The following DAP variants were observed in gnomAD, a reference collection of about 807,000 sequenced individuals.
DAP encodes death-associated protein 1.
DAP carries 8 observed loss-of-function variants against 13.8 expected under a neutral mutation model. The observed-to-expected ratio is 0.58, with a 90% confidence interval of 0.34 to 1.05. The LOEUF (loss-of-function observed/expected upper bound fraction) is 1.05. Among genes scored for constraint, DAP ranks in the 50% least tolerant of loss-of-function variants. The pLI, the probability that DAP is intolerant of heterozygous loss-of-function variation, is 0.03. For missense variants in DAP, 106 were observed against 133.2 expected (o/e 0.80, Z 1.01); for synonymous variants, 47 against 47.5 (o/e 0.99, Z 0.04).
intron 2 of DAP, among the ~76,000 whole-genome samples, chr5:10,703,549 A>G (rs1341718852): frequency 6.6e-6 from 1 of 152,256 alleles, no homozygotes. Context: ...GCTCTAAAAA[A>G]ACTCTTTACT....
intron 2 of DAP, among the ~76,000 whole-genome samples, chr5:10,692,146 C>T (rs538514505): frequency 2.0e-5 from 3 of 152,290 alleles, no homozygotes; most frequent in South Asian, 4.1e-4. Flanking sequence ...TTTAAAACTT[C>T]CCTAAACTCC....
chr5:10,742,671 TA>T (rs1739790673), intron 2 of DAP, among the ~76,000 whole-genome samples: 1 of 152,230 alleles, frequency 6.6e-6, no homozygotes, highest in Non-Finnish European at 1.5e-5. Flanking sequence ...GTTCTGGCAC[TA>T]CAGTATATTC....
At chr5:10,684,382 AACATGTCACCTCTTG>A (rs1432042809) in intron 2 of DAP, among the ~76,000 whole-genome samples, 3 of 152,210 alleles carry the variant, frequency 2.0e-5, no homozygotes, top group Non-Finnish European at 4.4e-5. Context: ...GTCCTTGGGA[AACATGTCACCTCTTG>A]ACATGTTAAC....
In DAP at chr5:10,700,556, G is replaced by A. The variant is rs199975668; in HGVS notation, c.153-16985C>T. 3.9e-5 allele frequency among the ~76,000 whole-genome samples: 6 copies of A among 152,328 alleles called. No individual in the cohort carries two copies. The East Asian group carries it at 1.2e-3, about 29-fold the overall frequency. ...CTGGTGGGGAGTTCTCACTGGCACT[G>A]TTGCGCCCCAGGGGCAGCGTGGATG... On this transcript the variant is annotated intron_variant, in intron 2 of 3. Transcript: ENST00000230895.
chr5:10,690,903 C>T lies in DAP; in HGVS notation c.153-7332G>A, dbSNP rs5745267. Among the ~76,000 whole-genome samples the T allele has an allele frequency of 6.4e-3, 971 of 152,326 alleles. 6 individuals carry two copies. The highest frequency in any genetic ancestry group is 0.022 in the African/African-American group (920 of 41,552). On this transcript the variant is annotated intron_variant, in intron 2 of 3. Transcript: ENST00000230895. ...TTCCATTTTAGATTCCCACCAGCAA[C>T]GCACATGGGTTCCTATTTCCCCATA...
Position 10,761,020 on chromosome 5 carries a change from GC to G in DAP, c.48del (p.Ala18ProfsTer2). ...AGAGGAAAAGAGTCAGTACCGGCGG[GC>G]GGGTGTCCAGCTTTAGTCTCTAGTT... Reference protein sequence around the residue: ...EGKLETKAGHPPAVKAGGMRI... With the variant: ...EGKLETKAGHXPAVKAGGMRI... On this transcript the variant is annotated frameshift_variant, in exon 1 of 4. Coordinates refer to ENST00000230895, the MANE Select transcript of DAP (RefSeq NM_004394.3). LOFTEE classifies it high-confidence loss of function. 1 of 1,215,652 alleles carries G rather than the reference GC, an allele frequency of 8.2e-7. No individual in the cohort carries two copies. Among genetic ancestry groups the G allele is most frequent in the Non-Finnish European group, 1.0e-6 (1 of 966,118 alleles). 75.3% of individuals were successfully genotyped at this position (1,215,652 alleles called of 1,614,324 possible). A position where few individuals can be genotyped will look rare whatever the true frequency, so the allele number is the denominator to read the frequency against.
chr5:10,742,988 T>G (rs943884865), intron 2 of DAP, among the ~76,000 whole-genome samples: 3 of 151,944 alleles, frequency 2.0e-5, no homozygotes, highest in Non-Finnish European at 4.4e-5. Context: ...TACAGATACT[T>G]CTAGTTCCCA....
intron 2 of DAP, among the ~76,000 whole-genome samples, chr5:10,684,952 G>A (rs1194999572): frequency 6.6e-6 from 1 of 152,314 alleles, no homozygotes; most frequent in East Asian, 1.9e-4. Context: ...GTCCTGCTGG[G>A]TAGAGGGGGT....
At chr5:10,690,268 T>C (rs1476248469) in intron 2 of DAP, among the ~76,000 whole-genome samples, 1 of 152,146 alleles carries the variant, frequency 6.6e-6, no homozygotes, top group African/African-American at 2.4e-5. Flanking sequence ...GTCCAAGCTC[T>C]CCCTCCCTTC....
intron 2 of DAP, among the ~76,000 whole-genome samples, chr5:10,742,005 A>C (rs1047413818): frequency 6.6e-6 from 1 of 152,340 alleles, no homozygotes; most frequent in Admixed American, 6.5e-5. Flanking sequence ...GACTACGTAA[A>C]TATCGTGTTT....
chr5:10,683,220 C>T (rs1738067834), intron 3 of DAP: 6 of 439,966 alleles, frequency 1.4e-5, no homozygotes, highest in Admixed American at 7.7e-5. Context: ...GCCCTATGGA[C>T]GGCAATACTG....
chr5:10,718,545 C>T (rs904449176), intron 2 of DAP, among the ~76,000 whole-genome samples: 8 of 152,332 alleles, frequency 5.3e-5, no homozygotes, highest in Admixed American at 3.9e-4. Context: ...ACTTGAAAGA[C>T]GCAGGGGTGG....
At chr5:10,704,958 T>A (rs1301173711) in intron 2 of DAP, among the ~76,000 whole-genome samples, 2 of 152,220 alleles carry the variant, frequency 1.3e-5, no homozygotes, top group African/African-American at 4.8e-5. Context: ...TTCCTACACC[T>A]GTCGGATGCA....
chr5:10,734,536 C>T (rs752156432), intron 2 of DAP, among the ~76,000 whole-genome samples: 27 of 152,284 alleles, frequency 1.8e-4, no homozygotes, highest in South Asian at 1.0e-3. Flanking sequence ...CAGCCTCAAG[C>T]CTTTCTCTGG....
chr5:10,681,703 A>C (rs1292593593), intron 3 of DAP, among the ~76,000 whole-genome samples: 3 of 150,160 alleles, frequency 2.0e-5, no homozygotes, highest in Non-Finnish European at 4.4e-5. Context: ...TATGTGAGGA[A>C]GCTCCAGGCC....
chr5:10,745,273 G>A (rs1252026910), intron 2 of DAP, among the ~76,000 whole-genome samples: 2 of 152,176 alleles, frequency 1.3e-5, no homozygotes, highest in Non-Finnish European at 2.9e-5. Flanking sequence ...GGCTTACCCC[G>A]TTCTGTAAAT....
chr5:10,686,699 GA>G (rs1176342461), intron 2 of DAP, among the ~76,000 whole-genome samples: 3 of 152,230 alleles, frequency 2.0e-5, no homozygotes, highest in African/African-American at 7.2e-5. Flanking sequence ...GTTGGTTCAT[GA>G]GGTTTAAGGA....
At position 10,730,839 on chromosome 5, in the gene DAP, G is replaced by T. The variant is rs186868636; in HGVS notation, c.152+17336C>A. ...ATCCTTCTCTATTGAGAGCCCTGGTGGGGGGGAAATCTTTCTCTACTGAGA... is the reference window on the plus strand; with the variant it reads ...ATCCTTCTCTATTGAGAGCCCTGGTTGGGGGGAAATCTTTCTCTACTGAGA... On this transcript the variant is annotated intron_variant, in intron 2 of 3. Transcript: ENST00000230895. 2.2e-3 allele frequency among the ~76,000 whole-genome samples: 246 copies of T among 112,872 alleles called. 8 individuals are homozygous for T. The highest frequency in any genetic ancestry group is 0.021 in the Admixed American group (218 of 10,618). The allele number at this position is 112,872 out of a possible 152,430, so 74.0% of individuals were successfully genotyped here. A position where few individuals can be genotyped will look rare whatever the true frequency, so the allele number is the denominator to read the frequency against.
intron 1 of DAP, among the ~76,000 whole-genome samples, chr5:10,759,720 A>G (rs1322930417): frequency 6.7e-6 from 1 of 149,212 alleles, no homozygotes; most frequent in Non-Finnish European, 1.5e-5. Flanking sequence ...ATAGCGGAGG[A>G]CAGCAGAGAA....
Sources: allele counts gnomAD v4.1 joint callset (sites outside exome capture counted in the v4.1 genomes callset), GRCh38; gene constraint gnomAD v4.1.1; transcripts MANE v1.5; gene names NCBI Gene and HGNC (gene_info 2026-07-23, HGNC 2026-07-21).